DCAF4: variants seen among roughly 807,000 people sequenced by gnomAD.
The protein encoded by DCAF4 is DDB1 and CUL4 associated factor 4.
In DCAF4, 37 loss-of-function variants were observed where a neutral mutation model predicts 60.9. That is an observed-to-expected ratio of 0.61 (90% confidence interval 0.47 to 0.80). The LOEUF is 0.80. DCAF4 is among the 30% of genes least tolerant of loss of function. The probability of loss-of-function intolerance (pLI) is 0.00; values close to 1 mark genes in which losing one functional copy is unlikely to be tolerated. For missense variants in DCAF4, 577 were observed against 650.0 expected (o/e 0.89, Z 1.22); for synonymous variants, 243 against 254.8 (o/e 0.95, Z 0.44).
At chr14:72,927,515 CTAA>C (rs1197539776) in intron 1 of DCAF4, among the ~76,000 whole-genome samples, 2 of 152,106 alleles carry the variant, frequency 1.3e-5, no homozygotes, top group African/African-American at 4.8e-5. Context: ...CCTCGCCCGG[CTAA>C]TTTTTTGTAT....
intron 10 of DCAF4, 30 bp from the exon 11 acceptor site, chr14:72,954,356 A>G: frequency 6.2e-7 from 1 of 1,613,136 alleles, no homozygotes; most frequent in Non-Finnish European, 8.5e-7. Flanking sequence ...ATGTGACATA[A>G]TCTTACCAGC....
intron 1 of DCAF4, among the ~76,000 whole-genome samples, chr14:72,928,187 C>CTGTTTTTTTTTTTTT (rs1887906276): frequency 1.5e-5 from 1 of 67,256 alleles, no homozygotes; most frequent in African/African-American, 6.6e-5. Context: ...AATCCCCCCA[C>CTGTTTTTTTTTTTTT]TTTTTTTTTT....
At chr14:72,945,615 G>T (rs1003381549) in intron 6 of DCAF4, among the ~76,000 whole-genome samples, 4 of 152,270 alleles carry the variant, frequency 2.6e-5, no homozygotes, top group Admixed American at 6.5e-5. Context: ...AGGTCCTCAT[G>T]CAGACCTCAG....
At chr14:72,947,280 T>C in intron 8 of DCAF4, 89 bp downstream of exon 8, 1 of 1,454,504 alleles carries the variant, frequency 6.9e-7, no homozygotes, top group Non-Finnish European at 9.6e-7. Flanking sequence ...CATGGCATCT[T>C]AGTGACCAGA....
At chr14:72,952,585 T>C (rs2140291147) in intron 9 of DCAF4, among the ~76,000 whole-genome samples, 1 of 152,288 alleles carries the variant, frequency 6.6e-6, no homozygotes, top group Middle Eastern at 3.4e-3. Context: ...AAAGTAATTT[T>C]TAGTGTTGGA....
At chr14:72,942,093 C>T in intron 5 of DCAF4, 1 of 398,656 alleles carries the variant, frequency 2.5e-6, no homozygotes, top group South Asian at 5.7e-5. Context: ...CTCTGTTACT[C>T]GTAAGTCATT....
intron 6 of DCAF4, 84 bp from the exon 7 acceptor site, chr14:72,945,800 G>A: frequency 6.4e-7 from 1 of 1,563,994 alleles, no homozygotes; most frequent in South Asian, 1.1e-5. Context: ...GAGCATGGGG[G>A]CCAGGAGAGA....
Position 72,956,462 on chromosome 14 carries a change from C to T in DCAF4, c.1256C>T (p.Pro419Leu), listed in dbSNP as rs531199836. 6.2e-7 allele frequency: 1 copy of T among 1,613,534 alleles called. No individual in the cohort carries two copies. Among genetic ancestry groups the T allele is most frequent in the African/African-American group, 1.3e-5 (1 of 75,024 alleles). ...CACGTGAATGAGTACGCCTACCTGC[C>T]CCTGCATGTGCACGAGGAAGAAGGA... ...EGHVNEYAYL[P>L]LHVHEEEGIL... Residue 419 changes from proline to leucine, a missense_variant, in exon 13 of 14, where the codon CCC becomes CTC. By Grantham distance (98) the Pro-to-Leu change is moderately conservative. Transcript: ENST00000358377.
intron 8 of DCAF4, among the ~76,000 whole-genome samples, chr14:72,948,389 C>T (rs987089012): frequency 2.0e-5 from 3 of 152,092 alleles, no homozygotes; most frequent in Non-Finnish European, 4.4e-5. Context: ...AATACATTAG[C>T]GACCTGATTA....
chr14:72,941,529 G>A (rs1015418337), intron 4 of DCAF4, among the ~76,000 whole-genome samples: 1 of 152,066 alleles, frequency 6.6e-6, no homozygotes, highest in African/African-American at 2.4e-5. Flanking sequence ...CAGAGTTGAC[G>A]AGCAGACTTT....
chr14:72,947,266 A>G, intron 8 of DCAF4, 75 bp downstream of exon 8: 1 of 1,529,454 alleles, frequency 6.5e-7, no homozygotes, highest in Non-Finnish European at 9.1e-7. Context: ...TGTGGGCTTC[A>G]TGACATGGCA....
chr14:72,961,021 G>A, downstream of DCAF4, among the ~76,000 whole-genome samples: 1 of 151,756 alleles, frequency 6.6e-6, no homozygotes, highest in Admixed American at 6.6e-5. Context: ...CTGAGCAGTT[G>A]GGCCCACAGG....
intron 1 of DCAF4, 159 bp downstream of exon 1, chr14:72,926,702 G>C (rs1213960487): frequency 1.3e-5 from 2 of 152,324 alleles, no homozygotes; most frequent in Admixed American, 6.5e-5. Flanking sequence ...CGGCGCCACC[G>C]GGCCTAGGTG....
Position 72,947,526 on chromosome 14 carries a change from C to G in DCAF4, c.728+335C>G, listed in dbSNP as rs559671974. Among the ~76,000 whole-genome samples the G allele has an allele frequency of 2.4e-4, 37 of 152,372 alleles. No homozygotes were observed. In the South Asian group the frequency reaches 6.0e-3, roughly 25 times the overall value. ...ACTCCAAGGCCGGCTCACTCTGCCACTGTGGCGTGTGACGGGAGGCTCTGG... is the reference window on the plus strand; with the variant it reads ...ACTCCAAGGCCGGCTCACTCTGCCAGTGTGGCGTGTGACGGGAGGCTCTGG... On this transcript the variant is annotated intron_variant, in intron 8 of 13. Coordinates refer to ENST00000358377, the MANE Select transcript of DCAF4 (RefSeq NM_015604.4).
In DCAF4 at chr14:72,959,684, G is replaced by C. The variant is rs1297063961; in HGVS notation, c.*879G>C. ...ATGCACTTCTGTGAATGACTTAGGA[G>C]ATCATGAGCTTGGGCTGCTGGGACC... On this transcript the variant is annotated 3_prime_UTR_variant, in exon 14 of 14. Transcript: ENST00000358377. 1.0e-6 allele frequency: 1 copy of C among 984,562 alleles called. No homozygotes were observed. Among genetic ancestry groups the C allele is most frequent in the Non-Finnish European group, 1.2e-6 (1 of 829,260 alleles). 61.0% of individuals were successfully genotyped at this position (984,562 alleles called of 1,614,324 possible). A position where few individuals can be genotyped will look rare whatever the true frequency, so the allele number is the denominator to read the frequency against.
downstream of DCAF4, chr14:72,961,846 C>G (rs559775954): frequency 2.8e-6 from 3 of 1,073,188 alleles, no homozygotes; most frequent in East Asian, 2.3e-4. Flanking sequence ...CTCCTTGCCC[C>G]CAAGGGCATC....
Position 72,951,846 on chromosome 14 carries a change from C to T in DCAF4, c.777C>T (p.Leu259=). ...LAETPGCATL[L]PASLFVNSHP... is the part of the protein sequence containing the mutation. ...AGACTCCAGGCTGTGCCACCCTGCT[C>T]CCAGCATCACTGTTCGTCAATAGTC... The change falls in exon 9 of 14, where the codon CTC becomes CTT. Residue 259 remains leucine, a synonymous_variant. Transcript: ENST00000358377. 6.2e-7 allele frequency: 1 copy of T among 1,614,140 alleles called. No homozygotes were observed.
intron 1 of DCAF4, among the ~76,000 whole-genome samples, chr14:72,931,263 C>CTTTTTTTTTTTTTTTT (rs370127536): frequency 7.9e-6 from 1 of 126,800 alleles, no homozygotes; most frequent in East Asian, 2.2e-4. Flanking sequence ...TACTTTTTCT[C>CTTTTTTTTTTTTTTTT]TTTTTTTTTT....
chr14:72,933,538 G>A (rs1330964326), intron 1 of DCAF4, among the ~76,000 whole-genome samples: 1 of 147,228 alleles, frequency 6.8e-6, no homozygotes, highest in Non-Finnish European at 1.5e-5. Context: ...CAGCCTGGGT[G>A]ACAGAGCAAG....
Sources: allele counts gnomAD v4.1 joint callset (sites outside exome capture counted in the v4.1 genomes callset), GRCh38; gene constraint gnomAD v4.1.1; transcripts MANE v1.5; gene names NCBI Gene and HGNC (gene_info 2026-07-23, HGNC 2026-07-21).